Variants in ADGRL2 observed in about 807,000 individuals in gnomAD.
The protein encoded by ADGRL2 is adhesion G protein-coupled receptor L2, also known as calcium-independent alpha-latrotoxin receptor 2.
Under a neutral mutation model 157.4 loss-of-function variants are expected in ADGRL2, and 44 were observed. The observed-to-expected ratio is 0.28, with a 90% confidence interval of 0.22 to 0.36. The LOEUF (loss-of-function observed/expected upper bound fraction) is 0.36, where lower values mean the gene tolerates loss of function less well. ADGRL2 is among the 10% of genes least tolerant of loss of function. The pLI, the probability that ADGRL2 is intolerant of heterozygous loss-of-function variation, is 1.00. For synonymous variants in ADGRL2, 585 were observed against 624.7 expected, an observed-to-expected ratio of 0.94 and a Z score of 0.95; for missense variants, 1,510 against 1,768.9, an observed-to-expected ratio of 0.85 and a Z score of 2.63.
chr1:81,347,522 G>A (rs115608719), intron 1 of ADGRL2, among the ~76,000 whole-genome samples: 2,404 of 152,236 alleles, frequency 0.016, 63 homozygotes, highest in African/African-American at 0.055. Flanking sequence ...AGTATTTTGT[G>A]GTAGAACTTG....
At chr1:81,656,867 G>A (rs2148863891) in intron 3 of ADGRL2, among the ~76,000 whole-genome samples, 1 of 152,020 alleles carries the variant, frequency 6.6e-6, no homozygotes, top group East Asian at 1.9e-4. Flanking sequence ...AAAATTAGAT[G>A]GGTGTGGTGG....
chr1:81,724,690 T>G (rs1347871486), intron 1 of ADGRL2, among the ~76,000 whole-genome samples: 1 of 152,232 alleles, frequency 6.6e-6, no homozygotes, highest in Non-Finnish European at 1.5e-5. Context: ...TAAAAACATT[T>G]TCATGGGATA....
chr1:81,572,118 C>T (rs1045222083), intron 2 of ADGRL2, among the ~76,000 whole-genome samples: 1 of 152,174 alleles, frequency 6.6e-6, no homozygotes, highest in African/African-American at 2.4e-5. Context: ...AGCAATGAAG[C>T]ATCAGACAAT....
intron 2 of ADGRL2, among the ~76,000 whole-genome samples, chr1:81,517,065 A>T (rs1221032735): frequency 6.6e-6 from 1 of 152,222 alleles, no homozygotes; most frequent in Non-Finnish European, 1.5e-5. Flanking sequence ...TAAGAATCAT[A>T]TTCTGCTACA....
chr1:81,378,776 A>G (rs547293869), intron 1 of ADGRL2, among the ~76,000 whole-genome samples: 2 of 152,314 alleles, frequency 1.3e-5, no homozygotes, highest in East Asian at 3.9e-4. Context: ...CATAGATATT[A>G]TAACATTTTA....
intron 1 of ADGRL2, among the ~76,000 whole-genome samples, chr1:81,720,044 T>C (rs1327561711): frequency 6.6e-6 from 1 of 152,142 alleles, no homozygotes; most frequent in East Asian, 1.9e-4. Flanking sequence ...TATGAAAATG[T>C]AATGGTAGCA....
intron 2 of ADGRL2, among the ~76,000 whole-genome samples, chr1:81,525,740 C>T (rs943808101): frequency 6.6e-5 from 10 of 152,166 alleles, no homozygotes; most frequent in Admixed American, 5.9e-4. Flanking sequence ...ATAGGAAACG[C>T]TACACATCAG....
At chr1:81,631,400 A>G in intron 3 of ADGRL2, among the ~76,000 whole-genome samples, 1 of 152,022 alleles carries the variant, frequency 6.6e-6, no homozygotes, top group South Asian at 2.1e-4. Context: ...TATTTTTAGT[A>G]GAGTCAGGAT....
At chr1:81,702,415 C>T (rs1280997776) in intron 1 of ADGRL2, among the ~76,000 whole-genome samples, 1 of 152,180 alleles carries the variant, frequency 6.6e-6, no homozygotes, top group African/African-American at 2.4e-5. Context: ...TTCCACTTCA[C>T]TTTCAGAGTA....
At chr1:81,444,896 T>C (rs1208704205) in intron 1 of ADGRL2, 5 of 152,192 alleles carry the variant, frequency 3.3e-5, no homozygotes, top group Non-Finnish European at 7.3e-5. Flanking sequence ...TATCTCCAAA[T>C]TGGTAAATGC....
intron 2 of ADGRL2, among the ~76,000 whole-genome samples, chr1:81,881,615 C>T (rs1180565189): frequency 6.6e-6 from 1 of 152,178 alleles, no homozygotes; most frequent in Non-Finnish European, 1.5e-5. Context: ...TCTGTTCATC[C>T]TGCCAGGGTA....
At chr1:81,317,256 C>T (rs1242110368) in intron 1 of ADGRL2, among the ~76,000 whole-genome samples, 3 of 152,118 alleles carry the variant, frequency 2.0e-5, no homozygotes, top group Non-Finnish European at 4.4e-5. Flanking sequence ...TCTTGTAGCT[C>T]AGAAGGAGGT....
intron 2 of ADGRL2, among the ~76,000 whole-genome samples, chr1:81,574,236 A>C: frequency 7.7e-6 from 1 of 129,056 alleles, no homozygotes; most frequent in East Asian, 2.5e-4. Context: ...GGGGAGGGGG[A>C]GGGGGAGGAT....
chr1:81,420,173 G>T (rs980835663), intron 1 of ADGRL2, among the ~76,000 whole-genome samples: 1 of 152,146 alleles, frequency 6.6e-6, no homozygotes, highest in Admixed American at 6.5e-5. Flanking sequence ...ACTAGGAAAG[G>T]ATTTTGATAA....
chr1:81,753,490 T>C (rs1212922802), intron 1 of ADGRL2, among the ~76,000 whole-genome samples: 1 of 152,138 alleles, frequency 6.6e-6, no homozygotes, highest in Non-Finnish European at 1.5e-5. Flanking sequence ...CATATCAGTA[T>C]GTAACAAACA....
intron 2 of ADGRL2, among the ~76,000 whole-genome samples, chr1:81,848,527 C>G (rs570410584): frequency 1.3e-5 from 2 of 151,922 alleles, no homozygotes; most frequent in South Asian, 4.2e-4. Flanking sequence ...GGCTGTTACT[C>G]AAGAATATTT....
chr1:81,959,516 T>A (rs991794514), intron 11 of ADGRL2, among the ~76,000 whole-genome samples: 7 of 152,114 alleles, frequency 4.6e-5, no homozygotes, highest in Non-Finnish European at 8.8e-5. Context: ...AAATTCACCT[T>A]ACTGAGCTTT....
intron 11 of ADGRL2, among the ~76,000 whole-genome samples, chr1:81,958,948 C>T (rs1654480925): frequency 6.6e-6 from 1 of 152,148 alleles, no homozygotes; most frequent in Non-Finnish European, 1.5e-5. Flanking sequence ...TGAAATTTAT[C>T]CATATACATG....
chr1:81,504,546 C>T (rs1405847512), intron 2 of ADGRL2, among the ~76,000 whole-genome samples: 1 of 152,020 alleles, frequency 6.6e-6, no homozygotes, highest in East Asian at 1.9e-4. Context: ...AAACAGATCA[C>T]CCCCAAAGCC....
Sources: allele counts gnomAD v4.1 joint callset (sites outside exome capture counted in the v4.1 genomes callset), GRCh38; gene constraint gnomAD v4.1.1; transcripts MANE v1.5; gene names NCBI Gene and HGNC (gene_info 2026-07-23, HGNC 2026-07-21).